LYRM4: variants seen among roughly 807,000 people sequenced by gnomAD.
LYRM4 encodes the protein LYR motif-containing protein 4.
A neutral mutation model predicts 11.7 loss-of-function variants in LYRM4; 9 were observed. The ratio of observed to expected loss-of-function variants is 0.77; its 90% confidence interval spans 0.46 to 1.34. LYRM4 has a LOEUF of 1.34. Ranked by LOEUF, LYRM4 falls within the 40% of genes most tolerant of loss-of-function variation. The probability of loss-of-function intolerance (pLI) is 0.00; values close to 1 mark genes in which losing one functional copy is unlikely to be tolerated. For synonymous variants in LYRM4, 42 were observed against 40.4 expected (o/e 1.04, Z -0.15); for missense variants, 133 against 112.5 (o/e 1.18, Z -0.82).
At chr6:5,162,935 T>G (rs1465669442) in intron 2 of LYRM4, among the ~76,000 whole-genome samples, 1 of 152,192 alleles carries the variant, frequency 6.6e-6, no homozygotes, top group Non-Finnish European at 1.5e-5. Context: ...CTTTACCTAT[T>G]TTTAAAAGTT....
the LYRM4 span, among the ~76,000 whole-genome samples, chr6:5,071,936 C>T: frequency 6.6e-6 from 1 of 152,284 alleles, no homozygotes; most frequent in African/African-American, 2.4e-5. Context: ...TGAGGCACCA[C>T]ACCTGGCTCA....
chr6:5,061,302 A>G, the LYRM4 span, among the ~76,000 whole-genome samples: 1 of 152,332 alleles, frequency 6.6e-6, no homozygotes, highest in African/African-American at 2.4e-5. Flanking sequence ...ACAAACTGTC[A>G]CACCACGTGC....
At chr6:5,169,836 G>C (rs1160724514) in intron 2 of LYRM4, among the ~76,000 whole-genome samples, 1 of 152,154 alleles carries the variant, frequency 6.6e-6, no homozygotes, top group African/African-American at 2.4e-5. Flanking sequence ...TGGAGGGAGG[G>C]ACCCATGACC....
chr6:5,061,729 C>T, the LYRM4 span, among the ~76,000 whole-genome samples: 1 of 152,114 alleles, frequency 6.6e-6, no homozygotes, highest in Non-Finnish European at 1.5e-5. Context: ...TGTTCTATTC[C>T]GCAGCCACCC....
At chr6:5,086,373 C>A in the LYRM4 span, 4 of 1,536,104 alleles carry the variant, frequency 2.6e-6, no homozygotes, top group South Asian at 1.2e-5. Context: ...AAGAGCCAGG[C>A]GCCGAGTGCT....
intron 1 of LYRM4, among the ~76,000 whole-genome samples, chr6:5,239,778 G>A (rs751736992): frequency 6.6e-6 from 1 of 152,058 alleles, no homozygotes; most frequent in Admixed American, 6.6e-5. Flanking sequence ...CTTCCTAATC[G>A]GCACAGGCCA....
chr6:5,144,212 C>G (rs896504877), intron 2 of LYRM4: 2 of 1,536,990 alleles, frequency 1.3e-6, no homozygotes, highest in Non-Finnish European at 1.7e-6. Context: ...TCCCCAGGCT[C>G]CGGCTGCTGT....
At chr6:5,051,753 C>T in the LYRM4 span, among the ~76,000 whole-genome samples, 613 of 152,094 alleles carry the variant, frequency 4.0e-3, 3 homozygotes, top group Non-Finnish European at 4.7e-3. Flanking sequence ...GTTTATTTGG[C>T]TTAGGATTCT....
chr6:5,132,209 A>G (rs541961005), intron 2 of LYRM4, among the ~76,000 whole-genome samples: 1 of 152,336 alleles, frequency 6.6e-6, no homozygotes, highest in South Asian at 2.1e-4. Context: ...TTTACTGGGC[A>G]TGTGCTAAGC....
chr6:5,122,596 T>C (rs1314944186), intron 2 of LYRM4, among the ~76,000 whole-genome samples: 1 of 152,138 alleles, frequency 6.6e-6, no homozygotes, highest in Admixed American at 6.5e-5. Context: ...ATGCAATGAG[T>C]GCCCCTTCCC....
At chr6:5,120,993 C>A (rs1366120623) in intron 2 of LYRM4, among the ~76,000 whole-genome samples, 1 of 152,160 alleles carries the variant, frequency 6.6e-6, no homozygotes, top group East Asian at 1.9e-4. Context: ...GGTGGGGGCA[C>A]GCATGTCATT....
Position 5,197,478 on chromosome 6 carries a change from C to G in LYRM4, c.207+19140G>C, listed in dbSNP as rs577148797. Reference sequence around the variant, plus strand: ...CACGAGGTCAGGAGTTCAAGACCAGCCTGGCCAAGATGGTGAAACCCCGTC... The same window carrying G: ...CACGAGGTCAGGAGTTCAAGACCAGGCTGGCCAAGATGGTGAAACCCCGTC... On this transcript the variant is annotated intron_variant, in intron 2 of 2. Coordinates refer to ENST00000330636, the MANE Select transcript of LYRM4 (RefSeq NM_020408.6). 2.7e-4 allele frequency among the ~76,000 whole-genome samples: 41 copies of G among 152,130 alleles called. 1 individual carries two copies. The East Asian group carries it at 4.1e-3, about 15-fold the overall frequency.
the LYRM4 span, among the ~76,000 whole-genome samples, chr6:5,073,532 C>G: frequency 2.0e-5 from 3 of 147,128 alleles, no homozygotes; most frequent in Admixed American, 2.0e-4. Flanking sequence ...ATATGTATAT[C>G]CTATACTATA....
chr6:5,109,882 G>C (rs750036171), intron 2 of LYRM4, among the ~76,000 whole-genome samples: 21 of 152,232 alleles, frequency 1.4e-4, no homozygotes, highest in Non-Finnish European at 2.6e-4. Context: ...TTTTAGAACA[G>C]TGCAGAAATG....
the LYRM4 span, among the ~76,000 whole-genome samples, chr6:5,073,777 C>T: frequency 2.0e-5 from 3 of 152,054 alleles, no homozygotes; most frequent in East Asian, 1.9e-4. Flanking sequence ...CAAGAGGGAG[C>T]GTTGGCAAGA....
chr6:5,151,745 T>C (rs1245528829), intron 2 of LYRM4, among the ~76,000 whole-genome samples: 1 of 152,242 alleles, frequency 6.6e-6, no homozygotes, highest in African/African-American at 2.4e-5. Context: ...TTTGATTCCT[T>C]ATCTATAAAG....
At chr6:5,065,207 T>C in the LYRM4 span, among the ~76,000 whole-genome samples, 10 of 152,346 alleles carry the variant, frequency 6.6e-5, no homozygotes, top group Middle Eastern at 3.4e-3. Flanking sequence ...GTGTTTCTTT[T>C]TACTGCTGAA....
In LYRM4 at chr6:5,191,691, C is replaced by T. The variant is rs139484952; in HGVS notation, c.207+24927G>A. 2.3e-3 allele frequency among the ~76,000 whole-genome samples: 356 copies of T among 152,266 alleles called. 1 individual carries two copies. Among genetic ancestry groups the T allele is most frequent in the African/African-American group, 8.2e-3 (342 of 41,552 alleles). On this transcript the variant is annotated intron_variant, in intron 2 of 2. Coordinates refer to ENST00000330636, the MANE Select transcript of LYRM4 (RefSeq NM_020408.6). ...TGTAACAACTGATTCAGGCAAGGCA[C>T]ATTAATGGGTCTGAAAACCACTGAG...
chr6:5,126,601 C>T (rs1266641604), intron 2 of LYRM4, among the ~76,000 whole-genome samples: 2 of 152,068 alleles, frequency 1.3e-5, no homozygotes, highest in Non-Finnish European at 2.9e-5. Flanking sequence ...AACTGATGAA[C>T]AAATAAATAA....
Sources: gnomAD v4.1 joint callset for allele counts (sites outside exome capture counted in the v4.1 genomes callset) on GRCh38, gnomAD v4.1.1 for gene constraint, MANE v1.5 for transcripts, NCBI Gene and HGNC (gene_info 2026-07-23, HGNC 2026-07-21) for gene names.